SENP6: variants seen among roughly 807,000 people sequenced by gnomAD.
SENP6 encodes the protein SUMO specific peptidase 6.
Under a neutral mutation model 134.5 loss-of-function variants are expected in SENP6, and 41 were observed. The observed-to-expected ratio is 0.30, with a 90% CI of 0.24 to 0.40. SENP6 has a LOEUF of 0.40. Ranked by LOEUF, SENP6 falls within the 10% of genes least tolerant of loss-of-function variation. SENP6 has a pLI of 1.00. For synonymous variants in SENP6, 395 were observed against 429.8 expected, an observed-to-expected ratio of 0.92 and a Z score of 1.00; for missense variants, 1,248 against 1,312.5, an observed-to-expected ratio of 0.95 and a Z score of 0.76.
intron 4 of SENP6, among the ~76,000 whole-genome samples, chr6:75,633,940 G>T (rs1769307351): frequency 6.6e-6 from 1 of 152,174 alleles, no homozygotes; most frequent in African/African-American, 2.4e-5. Flanking sequence ...AACATTGCAA[G>T]AAATACTTTG....
At chr6:75,714,404 A>G (rs569127203) in intron 23 of SENP6, among the ~76,000 whole-genome samples, 3 of 152,132 alleles carry the variant, frequency 2.0e-5, no homozygotes, top group Non-Finnish European at 4.4e-5. Flanking sequence ...GTAGATGACC[A>G]CTAGGTTCTG....
intron 5 of SENP6, among the ~76,000 whole-genome samples, chr6:75,637,618 C>CTT (rs1422052665): frequency 6.6e-6 from 1 of 152,046 alleles, no homozygotes; most frequent in Non-Finnish European, 1.5e-5. Context: ...TTTACTTACA[C>CTT]TTTCACATTT....
At chr6:75,663,813 T>C (rs1436415561) in intron 9 of SENP6, among the ~76,000 whole-genome samples, 1 of 99,116 alleles carries the variant, frequency 1.0e-5, no homozygotes. Flanking sequence ...AGTGGGTTTT[T>C]TTTTTTGTGG....
Position 75,715,750 on chromosome 6 carries a change from TAAGTAA to T in SENP6, c.*161_*166del, listed in dbSNP as rs1775993026. On this transcript the variant is annotated 3_prime_UTR_variant, in exon 24 of 24. Coordinates refer to ENST00000447266, the MANE Select transcript of SENP6 (RefSeq NM_015571.4). ...AATTAATTTCCAAAGGCGTATGTAT[TAAGTAA>T]AAGTCTGTAAATATGTTAATGAGGC... The T allele has an allele frequency of 1.1e-4, 58 of 513,340 alleles. 2 individuals are homozygous for T. The South Asian group carries it at 2.1e-3, about 18-fold the overall frequency. The allele number at this position is 513,340 out of a possible 1,614,324, so 31.8% of individuals were successfully genotyped here.
intron 7 of SENP6, among the ~76,000 whole-genome samples, chr6:75,652,698 A>AAAAAAAAAAAAAAAAAAAAAG (rs1554166656): frequency 3.4e-5 from 5 of 148,618 alleles, no homozygotes; most frequent in African/African-American, 1.3e-4. Flanking sequence ...AAAAAAAAAA[A>AAAAAAAAAAAAAAAAAAAAAG]AAAAAGAAAA....
At chr6:75,689,372 AAC>A (rs1398284236) in intron 16 of SENP6, among the ~76,000 whole-genome samples, 2 of 152,218 alleles carry the variant, frequency 1.3e-5, no homozygotes, top group Non-Finnish European at 2.9e-5. Flanking sequence ...AAAACAATAT[AAC>A]ACAGTGTCAT....
chr6:75,618,114 C>T (rs1767995746), intron 1 of SENP6, among the ~76,000 whole-genome samples: 1 of 152,122 alleles, frequency 6.6e-6, no homozygotes, highest in African/African-American at 2.4e-5. Context: ...TTTTTCCTCC[C>T]TTTTATGTCT....
intron 7 of SENP6, among the ~76,000 whole-genome samples, chr6:75,648,871 A>G (rs758644599): frequency 5.3e-5 from 8 of 152,230 alleles, no homozygotes; most frequent in Non-Finnish European, 1.2e-4. Context: ...CTAGTAAATG[A>G]CAGAGCTGGT....
rs34953351 is a variant in SENP6, at chr6:75,625,112, C to CTTTT, written c.207+1168_207+1171dup. On this transcript the variant is annotated intron_variant, in intron 3 of 23. Coordinates refer to ENST00000447266, the MANE Select transcript of SENP6 (RefSeq NM_015571.4). Reference sequence around the variant, plus strand: ...TAATATATATACGTGTGTGTGTGTCCTTTTTTTTTTTTTTTTTTTCAGACG... The same window carrying CTTTT: ...TAATATATATACGTGTGTGTGTGTCCTTTTTTTTTTTTTTTTTTTTTTTCAGACG... Among the ~76,000 whole-genome samples, 525 of 112,148 alleles carry CTTTT rather than the reference C, an allele frequency of 4.7e-3. 26 individuals are homozygous for CTTTT. The highest frequency in any genetic ancestry group is 0.017 in the African/African-American group (480 of 29,078). The allele number at this position is 112,148 out of a possible 152,430, so 73.6% of individuals were successfully genotyped here.
intron 5 of SENP6, among the ~76,000 whole-genome samples, chr6:75,638,610 ATATATATATATATTTT>A (rs1180846327): frequency 6.6e-4 from 32 of 48,838 alleles, no homozygotes; most frequent in African/African-American, 2.9e-3. Context: ...ATATATATAT[ATATATATATATATTTT>A]TTTTTTTTTT....
intron 7 of SENP6, among the ~76,000 whole-genome samples, chr6:75,649,881 C>T (rs963719716): frequency 5.3e-5 from 8 of 152,154 alleles, no homozygotes; most frequent in Non-Finnish European, 4.4e-5. Flanking sequence ...CAGAGACATA[C>T]GTTTATTTTT....
In SENP6 at chr6:75,602,565, C is replaced by A. The variant is rs992902532; in HGVS notation, c.41C>A (p.Thr14Asn). ...AGCGGCGGTAGCGCAGGGGAGATTA[C>A]TTTTCTGGAAGGTACGTCTGTTTCT... Reference protein sequence around the residue: ...GKSGGSAGEITFLEALARSES... With the variant: ...GKSGGSAGEINFLEALARSES... The change falls in exon 1 of 24, where the codon ACT becomes AAT. Residue 14 changes from threonine (T) to asparagine (N), a missense_variant. By Grantham distance (65) the Thr-to-Asn change is moderately conservative. Transcript: ENST00000447266. 4 of 1,551,330 alleles carry A rather than the reference C, an allele frequency of 2.6e-6. No homozygotes were observed. In the African/African-American group the frequency reaches 4.1e-5, roughly 16 times the overall value.
At position 75,630,208 on chromosome 6, in the gene SENP6, T is replaced by TACAGGCATGTATCTCAGCATCACC; in HGVS notation, c.208-3364_208-3363insTATCTCAGCATCACCACAGGCATG. Reference sequence around the variant, plus strand: ...CCTCAGCCTCCTGAGTAGCTGAGATTACAGGCATGCATCACCACACCCGGC... The same window carrying TACAGGCATGTATCTCAGCATCACC: ...CCTCAGCCTCCTGAGTAGCTGAGATTACAGGCATGTATCTCAGCATCACCACAGGCATGCATCACCACACCCGGC... On this transcript the variant is annotated intron_variant, in intron 3 of 23. Transcript: ENST00000447266. 2.0e-5 allele frequency among the ~76,000 whole-genome samples: 3 copies of TACAGGCATGTATCTCAGCATCACC among 152,144 alleles called. No individual in the cohort carries two copies. In the South Asian group the frequency reaches 6.2e-4, roughly 32 times the overall value.
chr6:75,622,685 C>T (rs1768367863), intron 2 of SENP6: 1 of 779,760 alleles, frequency 1.3e-6, no homozygotes, highest in African/African-American at 1.8e-5. Context: ...TCTACCAAAA[C>T]TATAAATATG....
intron 6 of SENP6, among the ~76,000 whole-genome samples, chr6:75,643,149 TAGG>T (rs1391102495): frequency 1.3e-5 from 2 of 151,782 alleles, no homozygotes; most frequent in Non-Finnish European, 2.9e-5. Context: ...TGTATAAAAA[TAGG>T]AGAAAAGAGG....
chr6:75,626,096 G>A (rs1768666712), intron 3 of SENP6, among the ~76,000 whole-genome samples: 1 of 150,866 alleles, frequency 6.6e-6, no homozygotes, highest in African/African-American at 2.4e-5. Flanking sequence ...TTTCTGTTTG[G>A]TATTCTACCA....
Position 75,711,371 on chromosome 6 carries a change from G to T in SENP6, c.2864G>T (p.Ser955Ile), listed in dbSNP as rs758068917. Reference protein sequence around the residue: ...DDGFLADDNCSSEIGQWHLKP... With the variant: ...DDGFLADDNCISEIGQWHLKP... ...GGATTCCTCGCTGATGACAACTGCA[G>T]TTCAGAAATAGGACAGTGGCATTTA... The change falls in exon 21 of 24, where the codon AGT becomes ATT. Residue 955 changes from serine to isoleucine, a missense_variant. Ser to Ile is a moderately radical substitution (Grantham distance 142). Transcript: ENST00000447266. 2.5e-6 allele frequency: 4 copies of T among 1,613,488 alleles called. No homozygotes were observed. The highest frequency in any genetic ancestry group is 3.4e-6 in the Non-Finnish European group (4 of 1,179,598).
Position 75,683,106 on chromosome 6 carries a change from C to T in SENP6, c.2075+4179C>T, listed in dbSNP as rs148925475. On this transcript the variant is annotated intron_variant, in intron 16 of 23. Transcript: ENST00000447266. Reference sequence around the variant, plus strand: ...TTTTAAAGATTGCCATTCTAACTGGCATGAGATGGTTATCTCATTGTGGTT... The same window carrying T: ...TTTTAAAGATTGCCATTCTAACTGGTATGAGATGGTTATCTCATTGTGGTT... Among the ~76,000 whole-genome samples the T allele has an allele frequency of 1.1e-4, 17 of 152,262 alleles. No individual in the cohort carries two copies. The East Asian group carries it at 3.3e-3, about 29-fold the overall frequency.
intron 1 of SENP6, among the ~76,000 whole-genome samples, chr6:75,605,292 C>T (rs1294691693): frequency 6.6e-6 from 1 of 152,154 alleles, no homozygotes; most frequent in Admixed American, 6.5e-5. Context: ...GTCAGTGTAC[C>T]ACGGTGAAGT....
Sources: allele counts gnomAD v4.1 joint callset (sites outside exome capture counted in the v4.1 genomes callset), GRCh38; gene constraint gnomAD v4.1.1; transcripts MANE v1.5; gene names NCBI Gene and HGNC (gene_info 2026-07-23, HGNC 2026-07-21).